Variants in ARHGEF4 observed in about 807,000 individuals in gnomAD.
ARHGEF4 encodes Rho guanine nucleotide exchange factor 4.
Under a neutral mutation model 162.0 loss-of-function variants are expected in ARHGEF4, and 119 were observed. The ratio of observed to expected loss-of-function variants is 0.73; its 90% CI spans 0.63 to 0.86. The LOEUF is 0.86. Ranked by LOEUF, ARHGEF4 falls within the 40% of genes least tolerant of loss-of-function variation. The pLI, the probability that ARHGEF4 is intolerant of heterozygous loss-of-function variation, is 0.00. For missense variants in ARHGEF4, 2,488 were observed against 2,456.0 expected (o/e 1.01, Z -0.28); for synonymous variants, 1,014 against 979.9 (o/e 1.03, Z -0.65).
chr2:130,879,606 C>A (rs1679068440), intron 1 of ARHGEF4, among the ~76,000 whole-genome samples: 1 of 152,086 alleles, frequency 6.6e-6, no homozygotes. Context: ...ACACCCCAGC[C>A]CCTGGTCACC....
At chr2:131,033,848 G>A (rs761468954) in intron 5 of ARHGEF4, among the ~76,000 whole-genome samples, 29 of 151,988 alleles carry the variant, frequency 1.9e-4, no homozygotes, top group African/African-American at 6.5e-4. Flanking sequence ...ACACACACAC[G>A]GGCACCCACA....
intron 1 of ARHGEF4, among the ~76,000 whole-genome samples, chr2:130,888,361 C>T (rs1050148123): frequency 1.3e-5 from 2 of 151,824 alleles, no homozygotes; most frequent in Non-Finnish European, 2.9e-5. Flanking sequence ...ATCCCAGCTA[C>T]TGGAGAGTCT....
In ARHGEF4 at chr2:131,000,164, A is replaced by G. The variant is rs1315510355; in HGVS notation, c.3986-27781A>G. On this transcript the variant is annotated intron_variant, in intron 4 of 13. Coordinates refer to ENST00000409359, the MANE Select transcript of ARHGEF4 (RefSeq NM_001367493.1). ...AAGGTGTTTCTTGTAATGAAGGATT[A>G]AACTTTTTAAAGTGCTTTTTCAGCC... 5.3e-5 allele frequency among the ~76,000 whole-genome samples: 8 copies of G among 152,376 alleles called. No homozygotes were observed. In the South Asian group the frequency reaches 1.7e-3, roughly 32 times the overall value.
intron 4 of ARHGEF4, among the ~76,000 whole-genome samples, chr2:131,019,714 A>G (rs1272550375): frequency 1.3e-5 from 2 of 152,180 alleles, no homozygotes; most frequent in East Asian, 1.9e-4. Context: ...GCTCACTGCA[A>G]GCTCCGCCTC....
chr2:131,031,013 C>A (rs1689815394), intron 5 of ARHGEF4, among the ~76,000 whole-genome samples: 2 of 152,220 alleles, frequency 1.3e-5, no homozygotes, highest in African/African-American at 4.8e-5. Flanking sequence ...AGCAAAGCAA[C>A]AGGTGTCAGA....
chr2:130,974,263 T>G (rs1424107628), intron 4 of ARHGEF4, among the ~76,000 whole-genome samples: 2 of 150,254 alleles, frequency 1.3e-5, no homozygotes, highest in East Asian at 3.9e-4. Flanking sequence ...CAGAGTGAGA[T>G]CTTGTCTGGA....
chr2:131,040,072 C>T lies in ARHGEF4; in HGVS notation c.4362C>T (p.Ser1454=), dbSNP rs1458572994. 3.8e-6 allele frequency: 6 copies of T among 1,599,302 alleles called. No individual in the cohort carries two copies. In the Admixed American group the frequency reaches 5.2e-5, roughly 14 times the overall value. ...ACGACGCCCCTCTGGCCGGGAACAG[C>T]GGAGCGGAGGACGGCGGGGCGGAGG... ...ADDDAPLAGN[S]GAEDGGAEAQ... Residue 1454 remains serine (S), a synonymous_variant, in exon 7 of 14, where the codon AGC becomes AGT. Transcript: ENST00000409359.
rs939900444 is a variant in ARHGEF4, at chr2:130,917,468, G to T, written c.3522G>T (p.Val1174=). The T allele has an allele frequency of 6.4e-7, 1 of 1,550,408 alleles. No individual in the cohort carries two copies. Among genetic ancestry groups the T allele is most frequent in the Non-Finnish European group, 8.7e-7 (1 of 1,146,936 alleles). ...GGQGPRGLGT[V]PWLRDLPGSE... is the part of the protein sequence containing the mutation. The stretch of plus-strand genomic sequence containing the variant: ...AGGGTCCGCGCGGCTTGGGCACAGT[G>T]CCCTGGCTCAGGGACCTTCCTGGGA... Residue 1174 remains valine, a synonymous_variant, in exon 2 of 14, where the codon GTG becomes GTT. Coordinates refer to ENST00000409359, the MANE Select transcript of ARHGEF4 (RefSeq NM_001367493.1).
chr2:130,931,688 G>A (rs1048339037), intron 3 of ARHGEF4, among the ~76,000 whole-genome samples: 1 of 152,202 alleles, frequency 6.6e-6, no homozygotes, highest in Non-Finnish European at 1.5e-5. Flanking sequence ...TCATTATGTT[G>A]TCCATTCAAT....
At chr2:130,894,093 G>C (rs1490312216) in intron 1 of ARHGEF4, among the ~76,000 whole-genome samples, 1 of 152,250 alleles carries the variant, frequency 6.6e-6, no homozygotes, top group African/African-American at 2.4e-5. Flanking sequence ...TACAGTTTCA[G>C]AATTTTGAAC....
intron 4 of ARHGEF4, among the ~76,000 whole-genome samples, chr2:130,949,775 A>G (rs899873562): frequency 1.3e-5 from 2 of 152,124 alleles, no homozygotes; most frequent in Admixed American, 6.5e-5. Flanking sequence ...TCAGCCCCCA[A>G]GTAGCTGGGG....
At chr2:130,975,989 T>C (rs1052328515) in intron 4 of ARHGEF4, among the ~76,000 whole-genome samples, 3 of 152,134 alleles carry the variant, frequency 2.0e-5, no homozygotes, top group African/African-American at 7.2e-5. Context: ...GCTAAATAAC[T>C]GTCCCATGGG....
intron 6 of ARHGEF4, chr2:131,039,312 C>T (rs1690571761): frequency 5.7e-6 from 7 of 1,236,194 alleles, no homozygotes; most frequent in African/African-American, 1.5e-5. Context: ...CAACTCCAGG[C>T]GCTAGACATT....
At chr2:131,031,009 G>A (rs1188815962) in intron 5 of ARHGEF4, among the ~76,000 whole-genome samples, 1 of 152,250 alleles carries the variant, frequency 6.6e-6, no homozygotes, top group Non-Finnish European at 1.5e-5. Context: ...GATGAGCAAA[G>A]CAACAGGTGT....
At chr2:130,941,464 A>G (rs1683292264) in intron 3 of ARHGEF4, among the ~76,000 whole-genome samples, 1 of 152,074 alleles carries the variant, frequency 6.6e-6, no homozygotes, top group African/African-American at 2.4e-5. Context: ...TCGGCCTCCA[A>G]AAGTTCTAGG....
At chr2:131,019,669 T>C (rs1026408768) in intron 4 of ARHGEF4, among the ~76,000 whole-genome samples, 4 of 151,932 alleles carry the variant, frequency 2.6e-5, no homozygotes, top group Non-Finnish European at 5.9e-5. Flanking sequence ...AGTCTCGCTC[T>C]GTCGCCCAGG....
Position 130,917,219 on chromosome 2 carries a change from C to T in ARHGEF4, c.3273C>T (p.Ser1091=), listed in dbSNP as rs1681555231. 6.4e-7 allele frequency: 1 copy of T among 1,550,420 alleles called. No individual in the cohort carries two copies. Among genetic ancestry groups the T allele is most frequent in the Non-Finnish European group, 8.7e-7 (1 of 1,147,002 alleles). ...ENPGTPCRPT[S]PKPLSPRPSA... is the part of the protein sequence containing the mutation. ...CCGGGACGCCCTGCAGACCCACGAG[C>T]CCCAAGCCCCTGAGTCCCAGGCCTA... is the stretch of plus-strand genomic sequence containing the variant. Residue 1091 remains serine, a synonymous_variant, in exon 2 of 14, where the codon AGC becomes AGT. Transcript: ENST00000409359.
At chr2:131,035,695 C>T (rs2105390817) in intron 5 of ARHGEF4, 2 of 985,828 alleles carry the variant, frequency 2.0e-6, no homozygotes, top group East Asian at 1.1e-4. Flanking sequence ...GTTGTTTTTC[C>T]CGTTTTAGGC....
intron 4 of ARHGEF4, among the ~76,000 whole-genome samples, chr2:131,002,665 G>T (rs572073834): frequency 1.6e-5 from 2 of 128,448 alleles, no homozygotes; most frequent in African/African-American, 2.9e-5. Flanking sequence ...AGCCGAGATC[G>T]CACCACTGCA....
Sources: gnomAD v4.1 joint callset for allele counts (sites outside exome capture counted in the v4.1 genomes callset) on GRCh38, gnomAD v4.1.1 for gene constraint, MANE v1.5 for transcripts, NCBI Gene and HGNC (gene_info 2026-07-23, HGNC 2026-07-21) for gene names.